Variants in MYRIP observed in about 807,000 individuals in gnomAD.
MYRIP encodes the protein rab effector MyRIP.
Under a neutral mutation model 98.0 loss-of-function variants are expected in MYRIP, and 49 were observed. The observed-to-expected ratio is 0.50, with a 90% confidence interval of 0.40 to 0.63. The LOEUF (loss-of-function observed/expected upper bound fraction) is 0.63. Ranked by LOEUF, MYRIP falls within the 30% of genes least tolerant of loss-of-function variation. The pLI is 0.00. For synonymous variants in MYRIP, 404 were observed against 409.5 expected (o/e 0.99, Z 0.16); for missense variants, 1,004 against 1,058.2 (o/e 0.95, Z 0.71).
intron 2 of MYRIP, among the ~76,000 whole-genome samples, chr3:39,971,706 G>A (rs1371659448): frequency 6.6e-6 from 1 of 151,918 alleles, no homozygotes; most frequent in Non-Finnish European, 1.5e-5. Flanking sequence ...TTCAGCCTTG[G>A]TCACATAATT....
chr3:40,024,345 G>A (rs1459703936), intron 2 of MYRIP, among the ~76,000 whole-genome samples: 1 of 152,164 alleles, frequency 6.6e-6, no homozygotes, highest in East Asian at 1.9e-4. Context: ...GTTTTGTGGA[G>A]GAGGCTGCCC....
chr3:40,049,498 TTG>T (rs1222998301), intron 3 of MYRIP, among the ~76,000 whole-genome samples: 2 of 152,100 alleles, frequency 1.3e-5, no homozygotes, highest in South Asian at 2.1e-4. Context: ...TCTATCAGTA[TTG>T]TGTGTGTTCT....
chr3:40,018,114 C>T (rs1272361495), intron 2 of MYRIP, among the ~76,000 whole-genome samples: 2 of 152,186 alleles, frequency 1.3e-5, no homozygotes, highest in African/African-American at 4.8e-5. Context: ...CTTTTGGAGG[C>T]ACCTCCTTAT....
At chr3:40,164,021 A>C (rs1031968463) in intron 5 of MYRIP, among the ~76,000 whole-genome samples, 8 of 152,038 alleles carry the variant, frequency 5.3e-5, no homozygotes, top group Admixed American at 4.6e-4. Context: ...AGAGTTCTAC[A>C]CTCAGATTTC....
intron 1 of MYRIP, among the ~76,000 whole-genome samples, chr3:39,819,501 C>T (rs1941040405): frequency 6.6e-6 from 1 of 152,252 alleles, no homozygotes; most frequent in African/African-American, 2.4e-5. Flanking sequence ...GCCCCTGTCT[C>T]ACCCATCCTA....
intron 3 of MYRIP, among the ~76,000 whole-genome samples, chr3:40,125,956 A>C (rs1250934408): frequency 6.6e-6 from 1 of 152,162 alleles, no homozygotes; most frequent in East Asian, 1.9e-4. Flanking sequence ...TCTTCCATCC[A>C]GATTCTCAGC....
intron 1 of MYRIP, among the ~76,000 whole-genome samples, chr3:39,824,460 AATTAT>A (rs1421958191): frequency 6.6e-6 from 1 of 152,116 alleles, no homozygotes; most frequent in Non-Finnish European, 1.5e-5. Flanking sequence ...TGACCATTTT[AATTAT>A]ATTCATTATT....
At chr3:39,929,860 A>G (rs1944498194) in intron 2 of MYRIP, among the ~76,000 whole-genome samples, 2 of 151,932 alleles carry the variant, frequency 1.3e-5, no homozygotes, top group South Asian at 4.1e-4. Flanking sequence ...GGCTTTTTCA[A>G]CTTGGCATGT....
At chr3:40,171,161 A>G (rs138581195) in intron 8 of MYRIP, among the ~76,000 whole-genome samples, 1 of 152,100 alleles carries the variant, frequency 6.6e-6, no homozygotes, top group East Asian at 2.0e-4. Flanking sequence ...GGAGAACCAA[A>G]CAAGTAGAAG....
At chr3:40,195,129 GA>G (rs1310524832) in intron 10 of MYRIP, among the ~76,000 whole-genome samples, 1 of 152,164 alleles carries the variant, frequency 6.6e-6, no homozygotes, top group African/African-American at 2.4e-5. Flanking sequence ...TACCCTTAGT[GA>G]CCTGCTTCCA....
chr3:39,989,566 G>C (rs1196851703), intron 2 of MYRIP, among the ~76,000 whole-genome samples: 1 of 152,198 alleles, frequency 6.6e-6, no homozygotes, highest in Non-Finnish European at 1.5e-5. Context: ...GTGCTTCACT[G>C]GGGGGAAACC....
At chr3:39,920,070 G>A (rs976314379) in intron 2 of MYRIP, among the ~76,000 whole-genome samples, 8 of 151,664 alleles carry the variant, frequency 5.3e-5, no homozygotes, top group African/African-American at 1.9e-4. Context: ...CATTTAAAAT[G>A]AAAGCCCTAT....
chr3:40,143,563 T>G (rs968896211), intron 3 of MYRIP, among the ~76,000 whole-genome samples: 1 of 152,204 alleles, frequency 6.6e-6, no homozygotes, highest in Non-Finnish European at 1.5e-5. Flanking sequence ...AAGGAAGAGC[T>G]TCCAGAAAAG....
chr3:40,250,549 T>C (rs1440623157), intron 15 of MYRIP, 50 bp downstream of exon 15: 2 of 1,596,938 alleles, frequency 1.3e-6, no homozygotes, highest in African/African-American at 1.3e-5. Context: ...GCCTGAATCA[T>C]TTACTTTGGG....
intron 2 of MYRIP, among the ~76,000 whole-genome samples, chr3:40,014,028 C>T (rs931373057): frequency 5.3e-5 from 8 of 152,292 alleles, no homozygotes; most frequent in Middle Eastern, 3.4e-3. Context: ...ACTCCATTTT[C>T]ATAAGGAGGA....
intron 3 of MYRIP, among the ~76,000 whole-genome samples, chr3:40,126,316 C>T (rs1949525456): frequency 6.6e-6 from 1 of 152,244 alleles, no homozygotes; most frequent in Middle Eastern, 3.4e-3. Context: ...CGCATATTCA[C>T]GTTTAAGAAC....
chr3:39,971,860 C>T (rs2125745714), intron 2 of MYRIP, among the ~76,000 whole-genome samples: 1 of 152,192 alleles, frequency 6.6e-6, no homozygotes, highest in East Asian at 1.9e-4. Context: ...TACAGTTTAT[C>T]ATATTATACC....
chr3:40,102,769 T>C (rs35533143), intron 3 of MYRIP, among the ~76,000 whole-genome samples: 2,752 of 152,048 alleles, frequency 0.018, 39 homozygotes, highest in Middle Eastern at 0.031. Context: ...GGAGGCCTGA[T>C]AGGGGATTCA....
At chr3:40,084,708 A>ATACACATC (rs1948577694) in intron 3 of MYRIP, among the ~76,000 whole-genome samples, 1 of 148,604 alleles carries the variant, frequency 6.7e-6, no homozygotes, top group African/African-American at 2.5e-5. Flanking sequence ...TCGATAGATA[A>ATACACATC]TATGTATCTA....
Sources: allele counts gnomAD v4.1 joint callset (sites outside exome capture counted in the v4.1 genomes callset), GRCh38; gene constraint gnomAD v4.1.1; transcripts MANE v1.5; gene names NCBI Gene and HGNC (gene_info 2026-07-23, HGNC 2026-07-21).